TMEM163: variants seen among roughly 807,000 people sequenced by gnomAD.
TMEM163 encodes transmembrane protein 163.
TMEM163 carries 17 observed loss-of-function variants against 29.3 expected under a neutral mutation model. The ratio of observed to expected loss-of-function variants is 0.58; its 90% CI spans 0.40 to 0.87. TMEM163 has a LOEUF of 0.87. Ranked by LOEUF, TMEM163 falls within the 40% of genes least tolerant of loss-of-function variation. The pLI, the probability that TMEM163 is intolerant of heterozygous loss-of-function variation, is 0.00. For synonymous variants in TMEM163, 157 were observed against 160.6 expected (o/e 0.98, Z 0.17); for missense variants, 303 against 381.5 (o/e 0.79, Z 1.71).
At chr2:134,537,812 C>A (rs995833829) in intron 4 of TMEM163, among the ~76,000 whole-genome samples, 2 of 152,206 alleles carry the variant, frequency 1.3e-5, no homozygotes, top group Non-Finnish European at 2.9e-5. Context: ...GAACAAACGT[C>A]AGTGAGGTGC....
chr2:134,540,709 T>C (rs563475690), intron 4 of TMEM163, among the ~76,000 whole-genome samples: 4 of 152,320 alleles, frequency 2.6e-5, no homozygotes, highest in Admixed American at 1.3e-4. Flanking sequence ...GAACAAACTT[T>C]ACCTTCTCCA....
chr2:134,636,171 G>A (rs1222084398), intron 2 of TMEM163, among the ~76,000 whole-genome samples: 2 of 152,170 alleles, frequency 1.3e-5, no homozygotes, highest in Non-Finnish European at 2.9e-5. Flanking sequence ...TGTCAGGGCT[G>A]TGTCCACCAC....
rs1179858443 is a variant in TMEM163 at position 134,508,069 on chromosome 2, CCTA to C, written c.459-5075_459-5073del. ...TGATTCTGAAGTTATAAGGGCAAAA[CCTA>C]CTGACAGACACTCATACACAAAATG... On this transcript the variant is annotated intron_variant, in intron 4 of 7. Coordinates refer to ENST00000281924, the MANE Select transcript of TMEM163 (RefSeq NM_030923.5). Among the ~76,000 whole-genome samples the C allele has an allele frequency of 2.0e-5, 3 of 152,274 alleles. No homozygotes were observed. In the East Asian group the frequency reaches 5.8e-4, roughly 29 times the overall value.
chr2:134,494,054 A>C (rs922524324), intron 5 of TMEM163, among the ~76,000 whole-genome samples: 19 of 152,300 alleles, frequency 1.2e-4, no homozygotes, highest in Admixed American at 7.2e-4. Context: ...GCACTGATGA[A>C]AAAGGATTGT....
At chr2:134,511,372 T>C (rs1679946643) in intron 4 of TMEM163, among the ~76,000 whole-genome samples, 1 of 152,176 alleles carries the variant, frequency 6.6e-6, no homozygotes. Context: ...CCAGGGGCCT[T>C]GCCATTACCA....
At chr2:134,529,234 G>A (rs1327931608) in intron 4 of TMEM163, among the ~76,000 whole-genome samples, 2 of 152,158 alleles carry the variant, frequency 1.3e-5, no homozygotes, top group Non-Finnish European at 2.9e-5. Flanking sequence ...AGGAGGCTGA[G>A]ACAGGAGGAT....
intron 2 of TMEM163, among the ~76,000 whole-genome samples, chr2:134,616,765 G>T (rs1486829762): frequency 6.6e-6 from 1 of 152,140 alleles, no homozygotes; most frequent in African/African-American, 2.4e-5. Context: ...GTTAACATTG[G>T]AGGAGACTGG....
In TMEM163 at chr2:134,455,813, G is replaced by A. The variant is rs866076155; in HGVS notation, c.*903C>T. On this transcript the variant is annotated 3_prime_UTR_variant, in exon 8 of 8. Transcript: ENST00000281924. ...TGGTCAGCCACTACTGCCCGGGCAA[G>A]CAGTGGTGTGAGAGGTACAGAACGG... The A allele has an allele frequency of 6.6e-6, 1 of 152,498 alleles. No homozygotes were observed. 9.4% of individuals were successfully genotyped at this position (152,498 alleles called of 1,614,324 possible). A position where few individuals can be genotyped will look rare whatever the true frequency, so the allele number is the denominator to read the frequency against.
At chr2:134,641,531 C>A (rs1683218799) in intron 2 of TMEM163, among the ~76,000 whole-genome samples, 1 of 152,004 alleles carries the variant, frequency 6.6e-6, no homozygotes, top group Non-Finnish European at 1.5e-5. Context: ...AAAAGTCAAG[C>A]AACAGATGGA....
At chr2:134,501,354 A>C (rs922009015) in intron 5 of TMEM163, among the ~76,000 whole-genome samples, 1 of 152,206 alleles carries the variant, frequency 6.6e-6, no homozygotes, top group African/African-American at 2.4e-5. Flanking sequence ...GATTGCTCCC[A>C]GTTAAAAGTG....
intron 4 of TMEM163, among the ~76,000 whole-genome samples, chr2:134,536,881 T>C (rs1158297457): frequency 1.3e-5 from 2 of 152,030 alleles, no homozygotes; most frequent in Non-Finnish European, 2.9e-5. Flanking sequence ...TTAGAAAATG[T>C]GCAATTAAAA....
At chr2:134,588,835 G>T (rs1209779684) in intron 2 of TMEM163, among the ~76,000 whole-genome samples, 1 of 152,034 alleles carries the variant, frequency 6.6e-6, no homozygotes, top group Non-Finnish European at 1.5e-5. Flanking sequence ...CAAGTAAACA[G>T]GCAAAACGTT....
At chr2:134,521,264 T>C (rs898284395) in intron 4 of TMEM163, among the ~76,000 whole-genome samples, 7 of 152,192 alleles carry the variant, frequency 4.6e-5, no homozygotes, top group African/African-American at 1.7e-4. Context: ...CCCAAAGTGC[T>C]GCGATTACAG....
chr2:134,693,969 G>T (rs1226426706), intron 2 of TMEM163, among the ~76,000 whole-genome samples: 1 of 152,184 alleles, frequency 6.6e-6, no homozygotes, highest in African/African-American at 2.4e-5. Flanking sequence ...GTTGAGAGTA[G>T]AGGCTCTGAG....
At chr2:134,517,524 A>G (rs1358475199) in intron 4 of TMEM163, among the ~76,000 whole-genome samples, 1 of 152,218 alleles carries the variant, frequency 6.6e-6, no homozygotes, top group African/African-American at 2.4e-5. Flanking sequence ...ACCTAAACAC[A>G]TACACAAAAT....
chr2:134,482,916 C>A (rs1340574665), intron 5 of TMEM163, among the ~76,000 whole-genome samples: 1 of 152,106 alleles, frequency 6.6e-6, no homozygotes, highest in African/African-American at 2.4e-5. Flanking sequence ...GACTGGGGTG[C>A]CTTGGTCCCC....
intron 2 of TMEM163, among the ~76,000 whole-genome samples, chr2:134,651,383 A>G (rs1205784797): frequency 7.3e-6 from 1 of 136,552 alleles, no homozygotes; most frequent in Admixed American, 7.2e-5. Context: ...CCACTTTTTG[A>G]TGGGGTTGTT....
chr2:134,684,932 A>G (rs1684322799), intron 2 of TMEM163, among the ~76,000 whole-genome samples: 1 of 149,334 alleles, frequency 6.7e-6, no homozygotes, highest in African/African-American at 2.4e-5. Context: ...CAAAAAAAAA[A>G]AAAAAAAAGA....
intron 4 of TMEM163, among the ~76,000 whole-genome samples, chr2:134,549,021 TC>T (rs1680850250): frequency 6.6e-6 from 1 of 152,100 alleles, no homozygotes; most frequent in Non-Finnish European, 1.5e-5. Context: ...CTAGTTTTTT[TC>T]AACCACAAAT....
Sources: allele counts gnomAD v4.1 joint callset (sites outside exome capture counted in the v4.1 genomes callset), GRCh38; gene constraint gnomAD v4.1.1; transcripts MANE v1.5; gene names NCBI Gene and HGNC (gene_info 2026-07-23, HGNC 2026-07-21).